CHSY3: variants seen among roughly 807,000 people sequenced by gnomAD.
CHSY3 encodes N-acetylgalactosaminyl-proteoglycan 3-beta-glucuronosyltransferase 3.
A neutral mutation model predicts 67.2 loss-of-function variants in CHSY3; 35 were observed. That is an observed-to-expected ratio of 0.52 (90% CI 0.40 to 0.69). The LOEUF is 0.69. CHSY3 is among the 30% of genes least tolerant of loss of function. The pLI, the probability that CHSY3 is intolerant of heterozygous loss-of-function variation, is 0.00. For missense variants in CHSY3, 1,069 were observed against 1,138.5 expected (o/e 0.94, Z 0.88); for synonymous variants, 474 against 434.7 (o/e 1.09, Z -1.12).
chr5:129,998,697 T>C (rs548212765), intron 2 of CHSY3, among the ~76,000 whole-genome samples: 1 of 152,250 alleles, frequency 6.6e-6, no homozygotes, highest in South Asian at 2.1e-4. Context: ...TGCAGGTTTT[T>C]TGACTAAGTA....
chr5:129,981,130 A>C (rs1407732234), intron 2 of CHSY3, among the ~76,000 whole-genome samples: 1 of 150,336 alleles, frequency 6.7e-6, no homozygotes, highest in Admixed American at 6.6e-5. Flanking sequence ...CTGAGGCAGG[A>C]GAATGGCGTG....
chr5:129,922,036 G>A (rs77047687), intron 2 of CHSY3, among the ~76,000 whole-genome samples: 34 of 151,976 alleles, frequency 2.2e-4, no homozygotes, highest in East Asian at 2.1e-3. Flanking sequence ...TCTACTCCCC[G>A]TCTTCATGAG....
chr5:129,938,201 C>T (rs930186027), intron 2 of CHSY3, among the ~76,000 whole-genome samples: 3 of 152,204 alleles, frequency 2.0e-5, no homozygotes, highest in African/African-American at 7.2e-5. Context: ...AGAGCTGGAG[C>T]AGCCACAATG....
At chr5:129,988,540 G>A (rs1763270014) in intron 2 of CHSY3, among the ~76,000 whole-genome samples, 2 of 152,152 alleles carry the variant, frequency 1.3e-5, no homozygotes, top group South Asian at 4.1e-4. Flanking sequence ...AATCTAATCA[G>A]GAGTTCTTAT....
chr5:130,053,922 G>A (rs1012246746), intron 2 of CHSY3, among the ~76,000 whole-genome samples: 1 of 152,106 alleles, frequency 6.6e-6, no homozygotes, highest in Non-Finnish European at 1.5e-5. Flanking sequence ...ATCAAGATAT[G>A]TTTATTTTAC....
chr5:130,080,957 T>C (rs1013304042), intron 2 of CHSY3, among the ~76,000 whole-genome samples: 3 of 152,048 alleles, frequency 2.0e-5, no homozygotes, highest in African/African-American at 7.2e-5. Context: ...GGGTACAGTT[T>C]TTCTACACCA....
intron 2 of CHSY3, among the ~76,000 whole-genome samples, chr5:129,920,489 C>G (rs1311958770): frequency 1.3e-5 from 2 of 152,122 alleles, no homozygotes; most frequent in African/African-American, 4.8e-5. Flanking sequence ...CGTGATCCAC[C>G]CACCTTGGCC....
At chr5:129,918,442 T>C (rs776409689) in intron 2 of CHSY3, among the ~76,000 whole-genome samples, 15 of 152,188 alleles carry the variant, frequency 9.9e-5, no homozygotes, top group Non-Finnish European at 1.9e-4. Flanking sequence ...TTTAAAAGCT[T>C]AAATGGGTAA....
At chr5:130,061,597 AATC>A (rs528330225) in intron 2 of CHSY3, among the ~76,000 whole-genome samples, 76 of 152,228 alleles carry the variant, frequency 5.0e-4, no homozygotes, top group African/African-American at 1.8e-3. Context: ...CAAAAGAAAT[AATC>A]AACAGAATAA....
intron 2 of CHSY3, among the ~76,000 whole-genome samples, chr5:130,017,513 G>A (rs963952503): frequency 1.7e-4 from 26 of 152,094 alleles, no homozygotes; most frequent in African/African-American, 5.5e-4. Flanking sequence ...GGAAGTGAAA[G>A]GTAATGAAAG....
At chr5:129,962,789 T>C (rs1029411452) in intron 2 of CHSY3, among the ~76,000 whole-genome samples, 2 of 151,986 alleles carry the variant, frequency 1.3e-5, no homozygotes, top group African/African-American at 4.8e-5. Context: ...AATTCCGGCT[T>C]CAAGGATTGC....
chr5:129,913,206 A>T (rs976646385), intron 2 of CHSY3, among the ~76,000 whole-genome samples: 1 of 152,064 alleles, frequency 6.6e-6, no homozygotes, highest in Non-Finnish European at 1.5e-5. Flanking sequence ...AGTTCCCTTC[A>T]TGTCCTCTTA....
At chr5:129,943,315 ATGT>A (rs1213017172) in intron 2 of CHSY3, among the ~76,000 whole-genome samples, 1 of 152,198 alleles carries the variant, frequency 6.6e-6, no homozygotes, top group African/African-American at 2.4e-5. Flanking sequence ...GATTTATCAA[ATGT>A]TGATCAAAAA....
intron 2 of CHSY3, among the ~76,000 whole-genome samples, chr5:130,046,361 A>T (rs1207986554): frequency 6.6e-6 from 1 of 152,106 alleles, no homozygotes; most frequent in Non-Finnish European, 1.5e-5. Context: ...GCTTGAGGAG[A>T]TGCTGAGAGG....
intron 2 of CHSY3, among the ~76,000 whole-genome samples, chr5:130,016,077 C>G (rs1483314679): frequency 6.6e-6 from 1 of 152,120 alleles, no homozygotes; most frequent in African/African-American, 2.4e-5. Flanking sequence ...CAACCTGAGC[C>G]TACTTGAAGG....
At chr5:130,110,427 A>C (rs926778831) in intron 2 of CHSY3, among the ~76,000 whole-genome samples, 2 of 151,934 alleles carry the variant, frequency 1.3e-5, no homozygotes, top group Non-Finnish European at 2.9e-5. Context: ...AGCTATTGAA[A>C]AGTGTTGTTT....
At chr5:130,112,147 A>C (rs978948560) in intron 2 of CHSY3, among the ~76,000 whole-genome samples, 1 of 152,100 alleles carries the variant, frequency 6.6e-6, no homozygotes, top group Non-Finnish European at 1.5e-5. Flanking sequence ...CCAGAGAAAA[A>C]GGTTTGTAAG....
chr5:130,178,697 A>G (rs140344865), intron 2 of CHSY3, among the ~76,000 whole-genome samples: 21 of 152,302 alleles, frequency 1.4e-4, no homozygotes, highest in African/African-American at 4.8e-4. Context: ...AAGATTGAGC[A>G]TAAGGGATGA....
chr5:129,959,154 C>T (rs574320016), intron 2 of CHSY3, among the ~76,000 whole-genome samples: 2 of 152,146 alleles, frequency 1.3e-5, no homozygotes, highest in Admixed American at 1.3e-4. Context: ...CTAGTTACTG[C>T]TAGACATTAA....
Sources: allele counts gnomAD v4.1 joint callset (sites outside exome capture counted in the v4.1 genomes callset), GRCh38; gene constraint gnomAD v4.1.1; transcripts MANE v1.5; gene names NCBI Gene and HGNC (gene_info 2026-07-23, HGNC 2026-07-21).